Variants in MED27 observed in about 807,000 individuals in gnomAD.
The protein encoded by MED27 is mediator complex subunit 27.
A neutral mutation model predicts 38.2 loss-of-function variants in MED27; 30 were observed. The observed-to-expected ratio is 0.79, with a 90% CI of 0.59 to 1.07. The LOEUF (loss-of-function observed/expected upper bound fraction) is 1.07. MED27 is among the 50% of genes least tolerant of loss of function. The pLI is 0.00. For synonymous variants in MED27, 122 were observed against 153.5 expected (o/e 0.79, Z 1.52); for missense variants, 289 against 397.5 (o/e 0.73, Z 2.32).
At chr9:131,901,247 T>C (rs1456460951) in intron 4 of MED27, among the ~76,000 whole-genome samples, 1 of 152,178 alleles carries the variant, frequency 6.6e-6, no homozygotes, top group Non-Finnish European at 1.5e-5. Flanking sequence ...CAGGCTAAGG[T>C]AAGTGAGTGC....
chr9:131,873,292 TAA>T (rs765996297), intron 6 of MED27, among the ~76,000 whole-genome samples: 6 of 152,146 alleles, frequency 3.9e-5, no homozygotes, highest in Non-Finnish European at 8.8e-5. Context: ...GAAGAATATT[TAA>T]AACAGTCCCA....
At chr9:132,043,905 T>C (rs554468924) in intron 2 of MED27, among the ~76,000 whole-genome samples, 1 of 152,322 alleles carries the variant, frequency 6.6e-6, no homozygotes, top group African/African-American at 2.4e-5. Context: ...GACTGTCTTC[T>C]CATCTCCATA....
intron 3 of MED27, among the ~76,000 whole-genome samples, chr9:132,008,461 C>A (rs1379160769): frequency 1.3e-5 from 2 of 152,204 alleles, no homozygotes; most frequent in African/African-American, 4.8e-5. Context: ...GAAGTGAGGT[C>A]ACTTCATCAG....
At chr9:132,052,606 C>T (rs1250380768) in intron 2 of MED27, among the ~76,000 whole-genome samples, 2 of 152,146 alleles carry the variant, frequency 1.3e-5, no homozygotes, top group South Asian at 4.1e-4. Flanking sequence ...TTCAGCGTAA[C>T]CATCACCTGA....
chr9:131,885,228 T>C (rs937234469), intron 5 of MED27, among the ~76,000 whole-genome samples: 2 of 152,192 alleles, frequency 1.3e-5, no homozygotes, highest in Non-Finnish European at 2.9e-5. Flanking sequence ...ACTGGCCCCA[T>C]CACAGTCTTA....
At chr9:131,948,986 G>A (rs1361566146) in intron 3 of MED27, among the ~76,000 whole-genome samples, 1 of 152,182 alleles carries the variant, frequency 6.6e-6, no homozygotes, top group Non-Finnish European at 1.5e-5. Flanking sequence ...ACGCTGAAAC[G>A]TATAAACCAA....
At chr9:132,050,474 G>A (rs1411088421) in intron 2 of MED27, among the ~76,000 whole-genome samples, 1 of 152,206 alleles carries the variant, frequency 6.6e-6, no homozygotes, top group Non-Finnish European at 1.5e-5. Context: ...GATTTTGGCT[G>A]AAGGTGTCCA....
At chr9:131,978,956 A>G (rs1207830441) in intron 3 of MED27, among the ~76,000 whole-genome samples, 1 of 152,176 alleles carries the variant, frequency 6.6e-6, no homozygotes, top group Non-Finnish European at 1.5e-5. Context: ...CTCTTCCTTT[A>G]TACTACAAAG....
chr9:131,934,110 T>C (rs1294300653), intron 4 of MED27, among the ~76,000 whole-genome samples: 2 of 152,188 alleles, frequency 1.3e-5, no homozygotes, highest in Non-Finnish European at 2.9e-5. Flanking sequence ...TCTCTCACCA[T>C]ACATAAAAAT....
At position 131,884,095 on chromosome 9, in the gene MED27, T is replaced by C. The variant is rs1342678555; in HGVS notation, c.686A>G (p.Asp229Gly). ...TTGATAGTTGGATTTGGACCATATA[T>C]CAAGCTGAGGGGAAAGGAGAGAAGG... ...ENVYTEDGKL[D>G]IWSKSNYQVF... Residue 229 changes from aspartate to glycine, a missense_variant, in exon 6 of 8, where the codon GAT (aspartate) becomes GGT (glycine). Asp to Gly is a moderately conservative substitution (Grantham distance 94). Coordinates refer to ENST00000292035, the MANE Select transcript of MED27 (RefSeq NM_004269.4). 1 of 1,609,082 alleles carries C rather than the reference T, an allele frequency of 6.2e-7. No homozygotes were observed. The highest frequency in any genetic ancestry group is 8.5e-7 in the Non-Finnish European group (1 of 1,178,128).
intron 2 of MED27, among the ~76,000 whole-genome samples, chr9:132,052,952 C>G (rs1423964520): frequency 6.6e-6 from 1 of 152,140 alleles, no homozygotes; most frequent in Non-Finnish European, 1.5e-5. Context: ...CTTTAAGGTT[C>G]CCACGAAAGG....
chr9:131,900,625 G>A (rs539510106), intron 4 of MED27, among the ~76,000 whole-genome samples: 1 of 152,158 alleles, frequency 6.6e-6, no homozygotes, highest in South Asian at 2.1e-4. Context: ...AAACTTACCT[G>A]CACGAGGAAC....
chr9:131,984,233 T>C (rs1328184218), intron 3 of MED27, among the ~76,000 whole-genome samples: 1 of 152,150 alleles, frequency 6.6e-6, no homozygotes, highest in African/African-American at 2.4e-5. Context: ...TCCGCCCCAC[T>C]TTCCCCGATA....
At chr9:132,077,362 T>C (rs1834074762) in intron 2 of MED27, 80 bp downstream of exon 2, 12 of 1,355,472 alleles carry the variant, frequency 8.9e-6, no homozygotes, top group South Asian at 3.9e-5. Context: ...AATAAAAACA[T>C]ACTCTTGCTT....
At chr9:132,049,984 C>G (rs1419091760) in intron 2 of MED27, among the ~76,000 whole-genome samples, 1 of 152,074 alleles carries the variant, frequency 6.6e-6, no homozygotes, top group Non-Finnish European at 1.5e-5. Context: ...TACAAAGAGT[C>G]CTTGAGTTCA....
chr9:131,925,443 A>G (rs1461964442), intron 4 of MED27, among the ~76,000 whole-genome samples: 1 of 152,248 alleles, frequency 6.6e-6, no homozygotes, highest in East Asian at 1.9e-4. Flanking sequence ...TGTTTATAAT[A>G]GAAAAACAGA....
intron 3 of MED27, among the ~76,000 whole-genome samples, chr9:131,949,691 TTCTTCCCAGTCA>T (rs1156947585): frequency 1.3e-5 from 2 of 152,212 alleles, no homozygotes; most frequent in Admixed American, 1.3e-4. Context: ...ATGGTTTTCT[TTCTTCCCAGTCA>T]TTTGGTAAAT....
At chr9:131,974,008 C>T (rs371405940) in intron 3 of MED27, among the ~76,000 whole-genome samples, 18 of 152,100 alleles carry the variant, frequency 1.2e-4, no homozygotes, top group Non-Finnish European at 1.8e-4. Flanking sequence ...CCACCGTGCC[C>T]GGCCTACTGG....
At chr9:132,070,993 C>T (rs1007056250) in intron 2 of MED27, among the ~76,000 whole-genome samples, 13 of 152,188 alleles carry the variant, frequency 8.5e-5, no homozygotes, top group African/African-American at 2.9e-4. Flanking sequence ...GGTGAGGGAG[C>T]AGAAGCCACT....
Sources: allele counts gnomAD v4.1 joint callset (sites outside exome capture counted in the v4.1 genomes callset), GRCh38; gene constraint gnomAD v4.1.1; transcripts MANE v1.5; gene names NCBI Gene and HGNC (gene_info 2026-07-23, HGNC 2026-07-21).